Variants in MAP4K4 observed in about 807,000 individuals in gnomAD.
MAP4K4 encodes HPK/GCK-like kinase HGK.
Under a neutral mutation model 189.6 loss-of-function variants are expected in MAP4K4, and 38 were observed. The ratio of observed to expected loss-of-function variants is 0.20; its 90% confidence interval spans 0.15 to 0.26. MAP4K4 has a LOEUF of 0.26. MAP4K4 is among the 10% of genes least tolerant of loss of function. The pLI is 1.00. For missense variants in MAP4K4, 1,054 were observed against 1,726.9 expected (o/e 0.61, Z 6.91); for synonymous variants, 610 against 624.3 (o/e 0.98, Z 0.34).
intron 4 of MAP4K4, among the ~76,000 whole-genome samples, 191 bp from the exon 5 acceptor site, chr2:101,825,128 C>A (rs578187549): frequency 6.6e-6 from 1 of 152,232 alleles, no homozygotes; most frequent in African/African-American, 2.4e-5. Flanking sequence ...GTCTTCTGGA[C>A]CAAATATATG....
At position 101,738,241 on chromosome 2, in the gene MAP4K4, T is replaced by C. The variant is rs573699420; in HGVS notation, c.123+39703T>C. ...ATATTTCCAACACCAAAGAGTACCATATATGATTTCTGTCTTAGTCCATTG... is the reference window on the plus strand; with the variant it reads ...ATATTTCCAACACCAAAGAGTACCACATATGATTTCTGTCTTAGTCCATTG... On this transcript the variant is annotated intron_variant, in intron 2 of 32. Transcript: ENST00000324219. 3.9e-5 allele frequency among the ~76,000 whole-genome samples: 6 copies of C among 152,246 alleles called. No homozygotes were observed. The East Asian group carries it at 9.6e-4, about 24-fold the overall frequency.
intron 2 of MAP4K4, among the ~76,000 whole-genome samples, chr2:101,735,596 G>A (rs1418497394): frequency 6.6e-6 from 1 of 152,154 alleles, no homozygotes; most frequent in African/African-American, 2.4e-5. Context: ...AAGGCAAAAA[G>A]GTGGGCTGGG....
intron 2 of MAP4K4, among the ~76,000 whole-genome samples, chr2:101,737,576 G>A (rs1228196488): frequency 6.7e-6 from 1 of 149,262 alleles, no homozygotes; most frequent in East Asian, 2.0e-4. Context: ...GACAGGCCTG[G>A]AGTAGGTCTG....
intron 2 of MAP4K4, among the ~76,000 whole-genome samples, chr2:101,735,906 C>T (rs947774052): frequency 6.6e-6 from 1 of 152,276 alleles, no homozygotes; most frequent in South Asian, 2.1e-4. Flanking sequence ...GACAGATACT[C>T]TCAGGATGAA....
At chr2:101,807,581 A>G (rs1363790068) in intron 3 of MAP4K4, among the ~76,000 whole-genome samples, 1 of 152,212 alleles carries the variant, frequency 6.6e-6, no homozygotes, top group African/African-American at 2.4e-5. Flanking sequence ...TCACATTGCT[A>G]TAAAGAAATA....
In MAP4K4 at chr2:101,868,022, A is replaced by G. The variant is rs767634870; in HGVS notation, c.2455-7A>G. 7 of 1,613,264 alleles carry G rather than the reference A, an allele frequency of 4.3e-6. No individual in the cohort carries two copies. The South Asian group carries it at 5.5e-5, about 13-fold the overall frequency. The stretch of plus-strand genomic sequence containing the variant: ...CTCGGACTCCACGAAACTGCGCTGT[A>G]CTGAAGGGCGAAGTGGTAAGCGCCA... On this transcript the variant is annotated splice_region_variant and splice_polypyrimidine_tract_variant and intron_variant, in intron 20 of 32. Coordinates refer to ENST00000324219, the Ensembl canonical transcript of MAP4K4.
intron 2 of MAP4K4, among the ~76,000 whole-genome samples, chr2:101,714,034 A>AC (rs1281999624): frequency 6.8e-6 from 1 of 146,830 alleles, no homozygotes; most frequent in Non-Finnish European, 1.5e-5. Flanking sequence ...TTGTCTTAGA[A>AC]CCTCACTCAT....
intron 2 of MAP4K4, among the ~76,000 whole-genome samples, chr2:101,719,901 A>G (rs1327856760): frequency 6.6e-6 from 1 of 151,922 alleles, no homozygotes; most frequent in African/African-American, 2.4e-5. Flanking sequence ...AGTCCCAGCT[A>G]CTTGGGAGGC....
intron 24 of MAP4K4, among the ~76,000 whole-genome samples, chr2:101,872,133 A>G (rs1577157159): frequency 6.6e-6 from 1 of 151,482 alleles, no homozygotes; most frequent in East Asian, 1.9e-4. Context: ...TATCCTGTAC[A>G]GGAATCTCTT....
At chr2:101,874,325 G>T in intron 26 of MAP4K4, 73 bp downstream of exon 26, 1 of 1,351,470 alleles carries the variant, frequency 7.4e-7, no homozygotes, top group Non-Finnish European at 1.0e-6. Flanking sequence ...GAGAAGTACT[G>T]CATTGAATAG....
At chr2:101,873,987 T>C (rs1559292491) in intron 25 of MAP4K4, 95 bp from the exon 26 acceptor site, 1 of 1,098,788 alleles carries the variant, frequency 9.1e-7, no homozygotes, top group African/African-American at 1.6e-5. Context: ...GTGTTGGTTA[T>C]ACCACATGAA....
rs969869184 is a variant in MAP4K4, at chr2:101,755,937, T to C, written c.124-34783T>C. Reference sequence around the variant, plus strand: ...TAGTATGAGTTCTTTTTCTTTTTTTTTTTTTTTTTTTTTTTTTTTTTGAGA... The same window carrying C: ...TAGTATGAGTTCTTTTTCTTTTTTTCTTTTTTTTTTTTTTTTTTTTTGAGA... On this transcript the variant is annotated intron_variant, in intron 2 of 32. Transcript: ENST00000324219. 3.2e-3 allele frequency among the ~76,000 whole-genome samples: 400 copies of C among 124,834 alleles called. 3 individuals are homozygous for C. Among genetic ancestry groups the C allele is most frequent in the African/African-American group, 0.011 (359 of 31,580 alleles). 81.9% of individuals were successfully genotyped at this position (124,834 alleles called of 152,430 possible).
chr2:101,864,440 TG>T (rs2097761081), intron 17 of MAP4K4, among the ~76,000 whole-genome samples: 1 of 152,230 alleles, frequency 6.6e-6, no homozygotes, highest in African/African-American at 2.4e-5. Flanking sequence ...TCTTTTTAAA[TG>T]TAGGGGATTT....
At chr2:101,828,935 C>T (rs1002473105) in intron 5 of MAP4K4, among the ~76,000 whole-genome samples, 1 of 152,188 alleles carries the variant, frequency 6.6e-6, no homozygotes, top group African/African-American at 2.4e-5. Context: ...AGGTTTGTTT[C>T]CTTGGGAAAG....
At chr2:101,841,202 TTC>T in intron 10 of MAP4K4, among the ~76,000 whole-genome samples, 1 of 152,344 alleles carries the variant, frequency 6.6e-6, no homozygotes, top group Middle Eastern at 3.4e-3. Context: ...CCTCTTCATT[TTC>T]TTTTTGGGTT....
chr2:101,829,423 A>C, intron 5 of MAP4K4, 81 bp from the exon 6 acceptor site: 1 of 893,260 alleles, frequency 1.1e-6, no homozygotes, highest in African/African-American at 1.6e-5. Context: ...CCACATGTGC[A>C]CTTTCTTATA....
At chr2:101,797,888 A>AGTGTTTTTT (rs199556837) in intron 3 of MAP4K4, among the ~76,000 whole-genome samples, 2 of 7,624 alleles carry the variant, frequency 2.6e-4, no homozygotes, top group Non-Finnish European at 4.6e-4. Context: ...ACATTCTTTT[A>AGTGTTTTTT]GTTTTTTTTT....
chr2:101,891,054 A>G, intron 32 of MAP4K4, 112 bp from the exon 33 acceptor site: 2 of 804,116 alleles, frequency 2.5e-6, no homozygotes, highest in Non-Finnish European at 4.2e-6. Context: ...GCTCTTTGGG[A>G]GTCTAAGCTT....
At chr2:101,838,240 G>T (rs962036600) in intron 9 of MAP4K4, among the ~76,000 whole-genome samples, 4 of 152,184 alleles carry the variant, frequency 2.6e-5, no homozygotes, top group African/African-American at 9.7e-5. Flanking sequence ...CTGGTCTGGG[G>T]AGTGACTCAG....
Sources: allele counts gnomAD v4.1 joint callset (sites outside exome capture counted in the v4.1 genomes callset), GRCh38; gene constraint gnomAD v4.1.1; transcripts MANE v1.5; gene names NCBI Gene and HGNC (gene_info 2026-07-23, HGNC 2026-07-21).